The following OR6J1 variants were observed in gnomAD, a reference collection of about 807,000 sequenced individuals.
OR6J1 encodes the protein olfactory receptor 6J1.
For missense variants in OR6J1, 304 were observed against 166.8 expected (o/e 1.82, Z -4.53); for synonymous variants, 109 against 70.0 (o/e 1.56, Z -2.78).
rs1241996953 is a variant in OR6J1 at position 22,633,896 on chromosome 14, T to TG, written c.915dup (p.Arg306GlnfsTer7). 5.7e-6 allele frequency: 4 copies of TG among 702,842 alleles called. No homozygotes were observed. In the East Asian group the frequency reaches 1.1e-4, roughly 19 times the overall value. 43.5% of individuals were successfully genotyped at this position (702,842 alleles called of 1,614,324 possible). A position where few individuals can be genotyped will look rare whatever the true frequency, so the allele number is the denominator to read the frequency against. ...CTCTTTTCAAAAACTCCTCGAACCCTGACCCACACATCCCTGAGGACTCCC... is the reference window on the plus strand; with the variant it reads ...CTCTTTTCAAAAACTCCTCGAACCCTGGACCCACACATCCCTGAGGACTCCC... On this transcript the variant is annotated frameshift_variant, in exon 2 of 2. Transcript: ENST00000540461. LOFTEE classifies it low-confidence loss of function (END_TRUNC).
intron 1 of OR6J1, among the ~76,000 whole-genome samples, chr14:22,637,535 A>G (rs1409822870): frequency 2.4e-4 from 3 of 12,432 alleles, no homozygotes; most frequent in Non-Finnish European, 3.1e-4. Context: ...GGGAGGGGGG[A>G]GGGGGGGTCA....
At chr14:22,643,832 C>T (rs2037671478) in intron 1 of OR6J1, among the ~76,000 whole-genome samples, 1 of 146,300 alleles carries the variant, frequency 6.8e-6, no homozygotes, top group Non-Finnish European at 1.5e-5. Context: ...TATGCACAGT[C>T]TGTAAAATCT....
intron 1 of OR6J1, among the ~76,000 whole-genome samples, chr14:22,636,543 TGCGATTGCAGGCG>T (rs1478000347): frequency 2.6e-5 from 3 of 113,330 alleles, no homozygotes; most frequent in African/African-American, 5.0e-5. Flanking sequence ...GCTGAGTGCC[TGCGATTGCAGGCG>T]CACGCCGCCA....
chr14:22,643,085 A>T (rs570982050), intron 1 of OR6J1, among the ~76,000 whole-genome samples: 98 of 151,472 alleles, frequency 6.5e-4, no homozygotes, highest in Non-Finnish European at 1.2e-3. Flanking sequence ...CTCCAGCCTC[A>T]GCCTCCCAAG....
Position 22,634,162 on chromosome 14 carries a change from T to C in OR6J1, c.650A>G (p.Tyr217Cys). 2.8e-6 allele frequency: 2 copies of C among 703,384 alleles called. No homozygotes were observed. The highest frequency in any genetic ancestry group is 1.5e-5 in the South Asian group (1 of 67,578). The allele number at this position is 703,384 out of a possible 1,614,324, so 43.6% of individuals were successfully genotyped here. A position where few individuals can be genotyped will look rare whatever the true frequency, so the allele number is the denominator to read the frequency against. ...LCCIVLVAYS[Y>C]TYIILTIVRI... ...CACTATGGTCAAGATGATGTACGTA[T>C]AGGAATAGGCCACGAGGACTATGCA... The change falls in exon 2 of 2, where the codon TAT (tyrosine) becomes TGT (cysteine). Residue 217 changes from tyrosine to cysteine, a missense_variant. Physicochemically the swap from Tyr to Cys is radical, Grantham distance 194. Coordinates refer to ENST00000540461, the MANE Select transcript of OR6J1 (RefSeq NM_001348233.2).
chr14:22,636,993 C>A (rs2037592692), intron 1 of OR6J1, among the ~76,000 whole-genome samples: 1 of 126,722 alleles, frequency 7.9e-6, no homozygotes. Flanking sequence ...GGCCGCCTTC[C>A]CATCTAGGAA....
intron 1 of OR6J1, among the ~76,000 whole-genome samples, chr14:22,637,069 T>C (rs1214424508): frequency 5.3e-5 from 6 of 113,864 alleles, no homozygotes; most frequent in East Asian, 2.2e-4. Flanking sequence ...CCCGCCGCCC[T>C]GTCTGGGATG....
In OR6J1 at chr14:22,644,327, A is replaced by G. The variant is rs2037674513; in HGVS notation, c.-257T>C. ...ATGCACTTGTGTTGTAGACAGCTGG[A>G]AGGTACATGTTGGATTTTTACACTG... On this transcript the variant is annotated 5_prime_UTR_variant, in exon 1 of 2. Transcript: ENST00000540461. 1 of 152,120 alleles carries G rather than the reference A, an allele frequency of 6.6e-6. No individual in the cohort carries two copies. Among genetic ancestry groups the G allele is most frequent in the South Asian group, 2.1e-4 (1 of 4,832 alleles). 9.4% of individuals were successfully genotyped at this position (152,120 alleles called of 1,614,324 possible).
intron 1 of OR6J1, among the ~76,000 whole-genome samples, chr14:22,636,893 A>C (rs1199852063): frequency 2.6e-5 from 3 of 117,222 alleles, no homozygotes; most frequent in Non-Finnish European, 5.0e-5. Context: ...GGATATGAGG[A>C]GCCTCTCTGC....
chr14:22,639,413 G>A (rs1295099132), intron 1 of OR6J1, among the ~76,000 whole-genome samples: 12 of 127,674 alleles, frequency 9.4e-5, no homozygotes, highest in African/African-American at 2.1e-4. Context: ...GGTGAGGGGC[G>A]CCTCTGCCCG....
At chr14:22,637,801 C>A (rs1288988342) in intron 1 of OR6J1, among the ~76,000 whole-genome samples, 1 of 59,702 alleles carries the variant, frequency 1.7e-5, no homozygotes, top group African/African-American at 1.4e-4. Flanking sequence ...GCCCGGCCGC[C>A]CCTACTGGGA....
intron 1 of OR6J1, among the ~76,000 whole-genome samples, chr14:22,643,744 CACACACACACACACACACACAG>C (rs2037668242): frequency 2.0e-5 from 2 of 101,380 alleles, no homozygotes; most frequent in African/African-American, 7.8e-5. Context: ...CACACACACA[CACACACACACACACACACACAG>C]AGAGAGAGAG....
rs915511414 is a variant in OR6J1 at position 22,634,267 on chromosome 14, G to T, written c.545C>A (p.Pro182His). ...GTCTGCACAGGCCAGGGCCAGCAAG[G>T]GTCCACTGTCACAGAAGAAGTGGTT... ...IINHFFCDSG[P>H]LLALACADTT... The change falls in exon 2 of 2, where the codon CCC (proline) becomes CAC (histidine). Residue 182 changes from proline to histidine, a missense_variant. By Grantham distance (77) the Pro-to-His change is moderately conservative. Coordinates refer to ENST00000540461, the MANE Select transcript of OR6J1 (RefSeq NM_001348233.2). The T allele has an allele frequency of 7.1e-6, 5 of 703,200 alleles. No individual in the cohort carries two copies. In the Admixed American group the frequency reaches 8.0e-5, roughly 11 times the overall value. The allele number at this position is 703,200 out of a possible 1,614,324, so 43.6% of individuals were successfully genotyped here.
rs184398681 is a variant in OR6J1 at position 22,632,970 on chromosome 14, C to A, written c.*798G>T. On this transcript the variant is annotated 3_prime_UTR_variant, in exon 2 of 2. Coordinates refer to ENST00000540461, the MANE Select transcript of OR6J1 (RefSeq NM_001348233.2). ...CAAAGTGGCCACTCCAGCCACCAAG[C>A]CTATTTCTGCTTCCAGGGGAAGCAT... The A allele has an allele frequency of 6.6e-6, 1 of 152,330 alleles. No homozygotes were observed. The highest frequency in any genetic ancestry group is 6.5e-5 in the Admixed American group (1 of 15,302). 9.4% of individuals were successfully genotyped at this position (152,330 alleles called of 1,614,324 possible). A position where few individuals can be genotyped will look rare whatever the true frequency, so the allele number is the denominator to read the frequency against.
At position 22,633,904 on chromosome 14, in the gene OR6J1, A is replaced by T. The variant is rs998210890; in HGVS notation, c.908T>A (p.Val303Glu). The change falls in exon 2 of 2, where the codon GTG becomes GAG. Residue 303 changes from valine to glutamate, a missense_variant. Physicochemically the swap from Val to Glu is moderately radical, Grantham distance 121. Transcript: ENST00000540461. ...AAAAACTCCTCGAACCCTGACCCAC[A>T]CATCCCTGAGGACTCCCTGCACTGT... is the stretch of plus-strand genomic sequence containing the variant. The part of the protein sequence containing the change: ...NDTVQGVLRD[V>E]WVRVRGVFEK... The T allele has an allele frequency of 1.4e-6, 1 of 702,842 alleles. No homozygotes were observed. The highest frequency in any genetic ancestry group is 2.6e-6 in the Non-Finnish European group (1 of 384,888). 43.5% of individuals were successfully genotyped at this position (702,842 alleles called of 1,614,324 possible).
intron 1 of OR6J1, among the ~76,000 whole-genome samples, chr14:22,641,266 A>AAAGAAAGAAAGGAAGG (rs1290848247): frequency 2.4e-5 from 3 of 122,894 alleles, no homozygotes; most frequent in African/African-American, 9.5e-5. Flanking sequence ...AGAAAGAAAG[A>AAAGAAAGAAAGGAAGG]AAGGAAGGAA....
At chr14:22,639,204 C>T (rs1434947459) in intron 1 of OR6J1, among the ~76,000 whole-genome samples, 8 of 118,454 alleles carry the variant, frequency 6.8e-5, no homozygotes, top group Admixed American at 3.0e-4. Flanking sequence ...CGTCTCCGCC[C>T]GGCAGCCACC....
chr14:22,634,543 G>T lies in OR6J1; in HGVS notation c.269C>A (p.Thr90Asn). 1.4e-6 allele frequency: 1 copy of T among 705,126 alleles called. No homozygotes were observed. Among genetic ancestry groups the T allele is most frequent in the Non-Finnish European group, 2.6e-6 (1 of 385,420 alleles). 43.7% of individuals were successfully genotyped at this position (705,126 alleles called of 1,614,324 possible). The stretch of plus-strand genomic sequence containing the variant: ...GGTGATACATCCGGCAAAGGAGATG[G>T]TTTTATCCCTAGATCCTAAGTTGGC... The part of the protein sequence containing the change: ...VLANLGSRDK[T>N]ISFAGCITQC... The change falls in exon 2 of 2, where the codon ACC becomes AAC. Residue 90 changes from threonine (T) to asparagine (N), a missense_variant. Physicochemically the swap from Thr to Asn is moderately conservative, Grantham distance 65. Transcript: ENST00000540461.
chr14:22,643,967 A>G (rs1376107036), intron 1 of OR6J1, 131 bp downstream of exon 1: 2 of 152,188 alleles, frequency 1.3e-5, no homozygotes, highest in Non-Finnish European at 2.9e-5. Context: ...AACTGCACCC[A>G]CTGGAAAATC....
Sources: gnomAD v4.1 joint callset for allele counts (sites outside exome capture counted in the v4.1 genomes callset) on GRCh38, gnomAD v4.1.1 for gene constraint, MANE v1.5 for transcripts, NCBI Gene and HGNC (gene_info 2026-07-23, HGNC 2026-07-21) for gene names.